Variants in LDHB observed in about 807,000 individuals in gnomAD.
The protein encoded by LDHB is L-lactate dehydrogenase B chain.
LDHB carries 18 observed loss-of-function variants against 33.4 expected under a neutral mutation model. The ratio of observed to expected loss-of-function variants is 0.54; its 90% CI spans 0.37 to 0.80. The LOEUF (loss-of-function observed/expected upper bound fraction) is 0.80. Among genes scored for constraint, LDHB ranks in the 30% least tolerant of loss-of-function variants. The pLI is 0.00. For missense variants in LDHB, 345 were observed against 407.9 expected (o/e 0.85, Z 1.33); for synonymous variants, 121 against 140.6 (o/e 0.86, Z 0.98).
intron 6 of LDHB, among the ~76,000 whole-genome samples, 200 bp downstream of exon 6, chr12:21,638,153 T>G: frequency 6.6e-6 from 1 of 152,044 alleles, no homozygotes; most frequent in Non-Finnish European, 1.5e-5. Flanking sequence ...AGAGTTTCTC[T>G]AGAGAAAATA....
intron 4 of LDHB, among the ~76,000 whole-genome samples, chr12:21,642,456 C>G (rs1341865367): frequency 6.6e-6 from 1 of 151,948 alleles, no homozygotes; most frequent in African/African-American, 2.4e-5. Flanking sequence ...CAGGTTGAAC[C>G]AGGTTGTCAG....
chr12:21,645,208 C>T (rs983310492), intron 3 of LDHB, among the ~76,000 whole-genome samples: 1 of 143,012 alleles, frequency 7.0e-6, no homozygotes, highest in African/African-American at 2.6e-5. Flanking sequence ...ACTCCCTAAT[C>T]TCAAGTACCC....
intron 4 of LDHB, 46 bp from the exon 5 acceptor site, chr12:21,642,171 T>G: frequency 6.9e-7 from 1 of 1,455,770 alleles, no homozygotes; most frequent in Non-Finnish European, 9.6e-7. Flanking sequence ...AAAACCAACT[T>G]CAACTGTTAG....
intron 3 of LDHB, among the ~76,000 whole-genome samples, chr12:21,646,348 C>G (rs1262274203): frequency 6.6e-6 from 1 of 152,194 alleles, no homozygotes; most frequent in African/African-American, 2.4e-5. Flanking sequence ...ATAAAGATAA[C>G]TAGTGTGGCA....
intron 2 of LDHB, among the ~76,000 whole-genome samples, chr12:21,652,002 C>T (rs549886980): frequency 1.3e-5 from 2 of 152,294 alleles, no homozygotes; most frequent in East Asian, 1.9e-4. Flanking sequence ...ACTGTGGTAG[C>T]AGCAGGGGCT....
intron 3 of LDHB, among the ~76,000 whole-genome samples, chr12:21,645,483 A>G (rs890135736): frequency 1.3e-5 from 2 of 152,156 alleles, no homozygotes; most frequent in African/African-American, 2.4e-5. Flanking sequence ...GGGCAATGGA[A>G]TGTCTCAGTG....
intron 5 of LDHB, among the ~76,000 whole-genome samples, chr12:21,639,805 A>G (rs1438048607): frequency 6.6e-6 from 1 of 152,050 alleles, no homozygotes; most frequent in Non-Finnish European, 1.5e-5. Context: ...ACATAGGACC[A>G]TTACAATTAA....
intron 2 of LDHB, among the ~76,000 whole-genome samples, chr12:21,650,257 TTG>T (rs754769853): frequency 5.9e-5 from 9 of 152,176 alleles, no homozygotes; most frequent in Non-Finnish European, 1.0e-4. Flanking sequence ...ATTCAATAGT[TTG>T]TGTTTCTTCC....
In LDHB at chr12:21,637,208, TAA is replaced by T. The variant is rs1217319223; in HGVS notation, c.714-16_714-15del. 5.7e-6 allele frequency: 9 copies of T among 1,576,960 alleles called. No homozygotes were observed. The highest frequency in any genetic ancestry group is 3.3e-5 in the Admixed American group (2 of 59,870). On this transcript the variant is annotated splice_polypyrimidine_tract_variant and intron_variant, in intron 6 of 7. Coordinates refer to ENST00000350669, the MANE Select transcript of LDHB (RefSeq NM_002300.8). ...ACTTCATAGGCACTTAAAAAAATTATAAAAGACATCACTGAAATAAGACTCAA... is the reference window on the plus strand; with the variant it reads ...ACTTCATAGGCACTTAAAAAAATTATAAGACATCACTGAAATAAGACTCAA...
rs34439838 is a variant in LDHB at position 21,637,197 on chromosome 12, TA to T, written c.714-4del. Reference sequence around the variant, plus strand: ...TTAGCTTGATGACTTCATAGGCACTTAAAAAAATTATAAAAGACATCACTGA... The same window carrying T: ...TTAGCTTGATGACTTCATAGGCACTTAAAAAATTATAAAAGACATCACTGA... On this transcript the variant is annotated splice_region_variant and splice_polypyrimidine_tract_variant and intron_variant, in intron 6 of 7. Coordinates refer to ENST00000350669, the MANE Select transcript of LDHB (RefSeq NM_002300.8). 7.5e-6 allele frequency: 12 copies of T among 1,592,330 alleles called. No individual in the cohort carries two copies. The highest frequency in any genetic ancestry group is 5.0e-5 in the Admixed American group (3 of 59,884).
intron 7 of LDHB, among the ~76,000 whole-genome samples, 173 bp from the exon 8 acceptor site, chr12:21,635,882 AG>A (rs1251060804): frequency 6.6e-6 from 1 of 152,218 alleles, no homozygotes; most frequent in Non-Finnish European, 1.5e-5. Flanking sequence ...TAATCTCTAA[AG>A]GGGGGAAAAA....
At chr12:21,650,537 A>T (rs964591402) in intron 2 of LDHB, among the ~76,000 whole-genome samples, 6 of 152,244 alleles carry the variant, frequency 3.9e-5, no homozygotes, top group Admixed American at 3.9e-4. Flanking sequence ...CAGACTTAGA[A>T]GCTAAGGATT....
intron 2 of LDHB, among the ~76,000 whole-genome samples, chr12:21,653,947 T>G (rs2136983379): frequency 6.6e-6 from 1 of 152,266 alleles, no homozygotes; most frequent in African/African-American, 2.4e-5. Flanking sequence ...ACCAGGGGAT[T>G]AAGTTCAGCA....
chr12:21,650,250 C>T (rs772394745), intron 2 of LDHB, among the ~76,000 whole-genome samples: 45 of 151,960 alleles, frequency 3.0e-4, no homozygotes, highest in African/African-American at 4.1e-4. Context: ...GCCATCTATT[C>T]AATAGTTTGT....
intron 5 of LDHB, among the ~76,000 whole-genome samples, chr12:21,641,352 C>T (rs1938363785): frequency 6.6e-6 from 1 of 152,094 alleles, no homozygotes; most frequent in South Asian, 2.1e-4. Flanking sequence ...AAGTTCATAG[C>T]TCAACCTAAT....
In LDHB at chr12:21,654,659, T is replaced by C. The variant is rs1480609859; in HGVS notation, c.13A>G (p.Lys5Glu). Residue 5 changes from lysine (K) to glutamate (E), a missense_variant, in exon 2 of 8, where the codon AAG becomes GAG. Physicochemically the swap from Lys to Glu is moderately conservative, Grantham distance 56. Transcript: ENST00000350669. MATL[K>E]EKLIAPVAEE... ...GCAACTGGTGCAATGAGTTTTTCCT[T>C]AAGAGTTGCCATTTTGCACTGCAAG... The C allele has an allele frequency of 6.2e-7, 1 of 1,613,568 alleles. No individual in the cohort carries two copies. Among genetic ancestry groups the C allele is most frequent in the Non-Finnish European group, 8.5e-7 (1 of 1,179,610 alleles).
chr12:21,653,702 T>C (rs1460665764), intron 2 of LDHB, among the ~76,000 whole-genome samples: 1 of 152,084 alleles, frequency 6.6e-6, no homozygotes, highest in Non-Finnish European at 1.5e-5. Flanking sequence ...AATAACAACA[T>C]GTTAAGAATT....
Position 21,646,886 on chromosome 12 carries a change from T to C in LDHB, c.247+13A>G, listed in dbSNP as rs772754770. The C allele has an allele frequency of 4.2e-6, 6 of 1,435,810 alleles. No homozygotes were observed. The highest frequency in any genetic ancestry group is 4.9e-6 in the Non-Finnish European group (5 of 1,017,388). 88.9% of individuals were successfully genotyped at this position (1,435,810 alleles called of 1,614,324 possible). ...AAAAATATTAGATCACTTTGGGCATTAAGTGAAATTACCTTTATCTGCCAC... is the reference window on the plus strand; with the variant it reads ...AAAAATATTAGATCACTTTGGGCATCAAGTGAAATTACCTTTATCTGCCAC... On this transcript the variant is annotated intron_variant, in intron 3 of 7. Transcript: ENST00000350669.
chr12:21,640,866 G>A (rs767648702), intron 5 of LDHB, among the ~76,000 whole-genome samples: 96 of 151,950 alleles, frequency 6.3e-4, no homozygotes, highest in Non-Finnish European at 1.0e-3. Context: ...GAGTCAGTTT[G>A]AAAAGCCTGG....
Sources: gnomAD v4.1 joint callset for allele counts (sites outside exome capture counted in the v4.1 genomes callset) on GRCh38, gnomAD v4.1.1 for gene constraint, MANE v1.5 for transcripts, NCBI Gene and HGNC (gene_info 2026-07-23, HGNC 2026-07-21) for gene names.